Variants in ACYP2 observed in about 807,000 individuals in gnomAD.
ACYP2 encodes acylphosphatase 2.
A neutral mutation model predicts 11.2 loss-of-function variants in ACYP2; 12 were observed. The ratio of observed to expected loss-of-function variants is 1.08; its 90% CI spans 0.69 to 1.74. The LOEUF is 1.74. ACYP2 is among the 40% of genes most tolerant of loss of function. ACYP2 has a pLI of 0.00. For missense variants in ACYP2, 134 were observed against 101.9 expected, an observed-to-expected ratio of 1.31 and a Z score of -1.35; for synonymous variants, 43 against 32.2, an observed-to-expected ratio of 1.33 and a Z score of -1.13.
At chr2:54,113,242 T>TC (rs1319426065) in intron 4 of ACYP2, among the ~76,000 whole-genome samples, 1 of 69,886 alleles carries the variant, frequency 1.4e-5, no homozygotes, top group African/African-American at 8.0e-5. Flanking sequence ...AGAGATGACT[T>TC]TTTTTTTTTT....
intron 2 of ACYP2, among the ~76,000 whole-genome samples, chr2:54,045,237 A>G (rs1485619407): frequency 1.3e-5 from 2 of 152,074 alleles, no homozygotes; most frequent in African/African-American, 4.8e-5. Flanking sequence ...CCAGTTTTCC[A>G]GGTCCTCGCC....
At position 54,201,604 on chromosome 2, in the gene ACYP2, C is replaced by CT. The variant is rs1368347000; in HGVS notation, c.404+62859dup. ...TCTTTTTCTTTCTTTCTCTTTCTTT[C>CT]TTTCTTTCTTTCTTTCTTTGTTTCT... On this transcript the variant is annotated intron_variant, in intron 6 of 6. Transcript: ENST00000607452. Among the ~76,000 whole-genome samples the CT allele has an allele frequency of 3.0e-3, 252 of 83,858 alleles. 3 individuals carry two copies. The highest frequency in any genetic ancestry group is 9.7e-3 in the African/African-American group (228 of 23,406). 55.0% of individuals were successfully genotyped at this position (83,858 alleles called of 152,430 possible).
At chr2:54,140,528 T>TCA (rs200260278) in intron 6 of ACYP2, among the ~76,000 whole-genome samples, 62,843 of 150,424 alleles carry the variant, frequency 0.42, 13,153 homozygotes, top group Middle Eastern at 0.55. Context: ...ATTCTCTCTC[T>TCA]CACACACACA....
rs570483376 is a variant in ACYP2, at chr2:54,086,362, A to G, written c.277+29002A>G. Among the ~76,000 whole-genome samples the G allele has an allele frequency of 1.1e-4, 16 of 152,296 alleles. No individual in the cohort carries two copies. The East Asian group carries it at 2.9e-3, about 28-fold the overall frequency. ...GGCCTTGTTCCTCTAAAACCTACAC[A>G]GTGAGGGCAGGCAGGGGAGAGTGAG... On this transcript the variant is annotated intron_variant, in intron 4 of 6. Coordinates refer to ENST00000607452, the MANE Select transcript of ACYP2 (RefSeq NM_001320586.2).
intron 4 of ACYP2, among the ~76,000 whole-genome samples, chr2:54,082,266 G>A (rs1401818465): frequency 1.4e-5 from 2 of 142,292 alleles, no homozygotes; most frequent in Non-Finnish European, 3.0e-5. Flanking sequence ...TTTTTTTTGA[G>A]ATGAAGTCTC....
At position 54,038,798 on chromosome 2, in the gene ACYP2, G is replaced by A. The variant is rs184950058; in HGVS notation, c.63-12160G>A. Among the ~76,000 whole-genome samples the A allele has an allele frequency of 5.4e-5, 5 of 92,872 alleles. No homozygotes were observed. In the East Asian group the frequency reaches 1.3e-3, roughly 24 times the overall value. The allele number at this position is 92,872 out of a possible 152,430, so 60.9% of individuals were successfully genotyped here. ...AGCTCACATTTTGGTTGTCAGAATA[G>A]GTAAAAAAAAAAAAAAAAAGATAAA... On this transcript the variant is annotated intron_variant, in intron 2 of 6. Coordinates refer to ENST00000607452, the MANE Select transcript of ACYP2 (RefSeq NM_001320586.2).
At chr2:54,295,854 G>A (rs1186505651) in intron 6 of ACYP2, among the ~76,000 whole-genome samples, 5 of 151,848 alleles carry the variant, frequency 3.3e-5, no homozygotes, top group East Asian at 1.9e-4. Flanking sequence ...TCCGCCTCCC[G>A]GGTTCAAGCA....
chr2:54,099,545 G>C (rs555667881), intron 4 of ACYP2, among the ~76,000 whole-genome samples: 1 of 152,236 alleles, frequency 6.6e-6, no homozygotes, highest in Admixed American at 6.5e-5. Context: ...TTGTCTTTCT[G>C]TGCCTGGCTT....
chr2:54,051,462 G>A, intron 3 of ACYP2: 1 of 693,258 alleles, frequency 1.4e-6, no homozygotes, highest in East Asian at 2.5e-5. Flanking sequence ...TGACAAAAAA[G>A]AAGTTTGAGG....
intron 6 of ACYP2, among the ~76,000 whole-genome samples, chr2:54,235,772 T>C (rs1318408329): frequency 6.6e-6 from 1 of 152,224 alleles, no homozygotes; most frequent in Non-Finnish European, 1.5e-5. Flanking sequence ...TTCTTGACTT[T>C]TTAATTGACT....
At chr2:54,004,312 C>G (rs1268936356) in intron 2 of ACYP2, among the ~76,000 whole-genome samples, 3 of 151,356 alleles carry the variant, frequency 2.0e-5, no homozygotes, top group East Asian at 3.9e-4. Context: ...ATTTGCAATT[C>G]CCTAATGACA....
chr2:54,034,533 A>G (rs1674769680), intron 2 of ACYP2, among the ~76,000 whole-genome samples: 1 of 152,174 alleles, frequency 6.6e-6, no homozygotes, highest in African/African-American at 2.4e-5. Context: ...TATCACCTGG[A>G]TGTGTAGTAG....
chr2:53,985,017 A>G (rs1190833796), intron 2 of ACYP2, among the ~76,000 whole-genome samples: 4 of 151,994 alleles, frequency 2.6e-5, no homozygotes, highest in Non-Finnish European at 5.9e-5. Context: ...GTTACACAGC[A>G]TTAATAAACA....
intron 2 of ACYP2, among the ~76,000 whole-genome samples, chr2:53,996,283 A>G (rs1328880626): frequency 1.3e-5 from 2 of 152,206 alleles, no homozygotes; most frequent in East Asian, 3.8e-4. Context: ...AGACACTGAA[A>G]TAAAGTTGGA....
intron 4 of ACYP2, among the ~76,000 whole-genome samples, chr2:54,120,252 C>T (rs1680071724): frequency 6.6e-6 from 1 of 152,188 alleles, no homozygotes; most frequent in Non-Finnish European, 1.5e-5. Flanking sequence ...ACTTCCCTTG[C>T]ATCAAGGACT....
At chr2:54,128,502 TA>T (rs1376775863) in intron 4 of ACYP2, among the ~76,000 whole-genome samples, 1 of 152,052 alleles carries the variant, frequency 6.6e-6, no homozygotes, top group Admixed American at 6.6e-5. Flanking sequence ...ACTCCATCTC[TA>T]CAAAAATTTT....
chr2:54,097,889 C>T (rs534660448), intron 4 of ACYP2, among the ~76,000 whole-genome samples: 1 of 128,920 alleles, frequency 7.8e-6, no homozygotes, highest in South Asian at 2.4e-4. Context: ...TCTCTCTCCC[C>T]TCCCTCCCTC....
At chr2:54,221,020 T>C (rs1392537871) in intron 6 of ACYP2, among the ~76,000 whole-genome samples, 2 of 152,226 alleles carry the variant, frequency 1.3e-5, no homozygotes, top group South Asian at 4.1e-4. Context: ...TGAATGTTAG[T>C]GATGTGATAT....
At chr2:54,237,516 G>T (rs1307480332) in intron 6 of ACYP2, among the ~76,000 whole-genome samples, 2 of 152,094 alleles carry the variant, frequency 1.3e-5, no homozygotes, top group Admixed American at 6.6e-5. Flanking sequence ...TTATTGAGGA[G>T]TAATTTTACT....
Sources: allele counts gnomAD v4.1 joint callset (sites outside exome capture counted in the v4.1 genomes callset), GRCh38; gene constraint gnomAD v4.1.1; transcripts MANE v1.5; gene names NCBI Gene and HGNC (gene_info 2026-07-23, HGNC 2026-07-21).